The following SLC35F3 variants were observed in gnomAD, a reference collection of about 807,000 sequenced individuals.
SLC35F3 encodes solute carrier family 35 member F3, also known as putative thiamine transporter SLC35F3.
SLC35F3 carries 25 observed loss-of-function variants against 49.9 expected under a neutral mutation model. That is an observed-to-expected ratio of 0.50 (90% CI 0.37 to 0.70). The LOEUF (loss-of-function observed/expected upper bound fraction) is 0.70. Among genes scored for constraint, SLC35F3 ranks in the 30% least tolerant of loss-of-function variants. The pLI is 0.00. For missense variants in SLC35F3, 525 were observed against 639.8 expected (o/e 0.82, Z 1.94); for synonymous variants, 275 against 265.4 (o/e 1.04, Z -0.35).
intron 3 of SLC35F3, among the ~76,000 whole-genome samples, chr1:234,248,149 C>T (rs1232422458): frequency 1.4e-5 from 2 of 139,196 alleles, no homozygotes; most frequent in Non-Finnish European, 3.1e-5. Context: ...GTCCATTGTT[C>T]AGTGGGTTGG....
intron 2 of SLC35F3, among the ~76,000 whole-genome samples, chr1:234,076,951 AAC>A (rs1664800209): frequency 6.6e-6 from 1 of 151,918 alleles, no homozygotes; most frequent in Non-Finnish European, 1.5e-5. Context: ...TGCTAAAAAG[AAC>A]AGTCTGAGAC....
At chr1:234,155,614 A>G (rs1310426733) in intron 2 of SLC35F3, among the ~76,000 whole-genome samples, 4 of 152,000 alleles carry the variant, frequency 2.6e-5, no homozygotes, top group African/African-American at 7.2e-5. Flanking sequence ...TATTGTTAAA[A>G]TAATGTTACT....
chr1:234,176,939 C>A (rs940419858), intron 2 of SLC35F3, among the ~76,000 whole-genome samples: 3 of 152,150 alleles, frequency 2.0e-5, no homozygotes, highest in Non-Finnish European at 2.9e-5. Flanking sequence ...GAGAATTATT[C>A]TTGTGAGGGC....
chr1:234,055,216 T>C (rs1291279910), intron 2 of SLC35F3, among the ~76,000 whole-genome samples: 6 of 152,192 alleles, frequency 3.9e-5, no homozygotes, highest in Non-Finnish European at 8.8e-5. Context: ...TGTTGCCTTT[T>C]GTTCAGCTAT....
At chr1:234,104,905 C>A (rs180818237) in intron 2 of SLC35F3, among the ~76,000 whole-genome samples, 1 of 152,066 alleles carries the variant, frequency 6.6e-6, no homozygotes, top group Non-Finnish European at 1.5e-5. Flanking sequence ...CCGAGGCAGG[C>A]GGATCACGGG....
At chr1:234,254,542 A>ATAAACACACT (rs1308645638) in intron 3 of SLC35F3, among the ~76,000 whole-genome samples, 1 of 152,264 alleles carries the variant, frequency 6.6e-6, no homozygotes, top group Non-Finnish European at 1.5e-5. Flanking sequence ...GAGACAAGAT[A>ATAAACACACT]TAAACACACT....
intron 2 of SLC35F3, among the ~76,000 whole-genome samples, chr1:234,101,841 T>A (rs1360385762): frequency 6.6e-6 from 1 of 152,260 alleles, no homozygotes; most frequent in African/African-American, 2.4e-5. Flanking sequence ...TTCTACGTCC[T>A]TAAGAATCAA....
intron 3 of SLC35F3, among the ~76,000 whole-genome samples, chr1:234,292,689 G>A (rs1406648918): frequency 6.6e-6 from 1 of 152,190 alleles, no homozygotes; most frequent in African/African-American, 2.4e-5. Context: ...AATATGCTCG[G>A]TGAGAAGCTT....
At chr1:234,282,186 G>A (rs1668339237) in intron 3 of SLC35F3, among the ~76,000 whole-genome samples, 1 of 152,238 alleles carries the variant, frequency 6.6e-6, no homozygotes, top group Non-Finnish European at 1.5e-5. Flanking sequence ...AGCTACTGCT[G>A]TGCTCAGTTT....
chr1:234,316,018 G>A (rs1489852533), intron 4 of SLC35F3, among the ~76,000 whole-genome samples: 1 of 152,210 alleles, frequency 6.6e-6, no homozygotes, highest in Non-Finnish European at 1.5e-5. Context: ...GGGGCCTGTG[G>A]CCACGAAGGA....
intron 2 of SLC35F3, among the ~76,000 whole-genome samples, chr1:234,036,553 T>C (rs1664147033): frequency 6.6e-6 from 1 of 152,186 alleles, no homozygotes; most frequent in Non-Finnish European, 1.5e-5. Flanking sequence ...TGTAATTAAT[T>C]TCCTATTTTA....
chr1:234,100,454 G>A (rs1301312474), intron 2 of SLC35F3, among the ~76,000 whole-genome samples: 2 of 152,232 alleles, frequency 1.3e-5, no homozygotes, highest in African/African-American at 4.8e-5. Flanking sequence ...CAGAGAGGTA[G>A]CCAAGAAGCT....
chr1:234,090,443 C>T (rs1665025539), intron 2 of SLC35F3, among the ~76,000 whole-genome samples: 1 of 152,246 alleles, frequency 6.6e-6, no homozygotes, highest in South Asian at 2.1e-4. Flanking sequence ...TTTTTATTCA[C>T]AAGGCTGCAG....
At chr1:234,208,312 T>C (rs949045153) in intron 2 of SLC35F3, among the ~76,000 whole-genome samples, 1 of 152,200 alleles carries the variant, frequency 6.6e-6, no homozygotes, top group African/African-American at 2.4e-5. Flanking sequence ...TGCATGGGAA[T>C]GAATAGACCA....
intron 2 of SLC35F3, among the ~76,000 whole-genome samples, chr1:233,917,030 C>G (rs1214549177): frequency 6.6e-6 from 1 of 152,172 alleles, no homozygotes; most frequent in Non-Finnish European, 1.5e-5. Context: ...AATGTATTAG[C>G]TCCTCAGGGA....
At position 234,040,324 on chromosome 1, in the gene SLC35F3, G is replaced by C. The variant is rs75694196; in HGVS notation, c.283+134566G>C. ...GGGTCTTTATAGGCACAGAATGGGG[G>C]AGCAGGATGGGCAACATTTGATTTG... On this transcript the variant is annotated intron_variant, in intron 2 of 7. Transcript: ENST00000366618. Among the ~76,000 whole-genome samples, 912 of 152,280 alleles carry C rather than the reference G, an allele frequency of 6.0e-3. 8 individuals are homozygous for C. The highest frequency in any genetic ancestry group is 0.021 in the African/African-American group (864 of 41,554).
chr1:234,282,329 G>A (rs1194361694), intron 3 of SLC35F3, among the ~76,000 whole-genome samples: 1 of 152,126 alleles, frequency 6.6e-6, no homozygotes, highest in African/African-American at 2.4e-5. Context: ...GAGCCTCTAG[G>A]CCCCTCCTAT....
intron 2 of SLC35F3, among the ~76,000 whole-genome samples, chr1:234,184,514 G>A (rs1020677102): frequency 6.6e-6 from 1 of 152,154 alleles, no homozygotes. Context: ...GAGGCTATGA[G>A]ACCTGACATT....
At chr1:234,157,295 T>C (rs1666169344) in intron 2 of SLC35F3, among the ~76,000 whole-genome samples, 1 of 152,238 alleles carries the variant, frequency 6.6e-6, no homozygotes, top group South Asian at 2.1e-4. Flanking sequence ...TATATTCTCA[T>C]CTCCTGCAGT....
Sources: gnomAD v4.1 joint callset for allele counts (sites outside exome capture counted in the v4.1 genomes callset) on GRCh38, gnomAD v4.1.1 for gene constraint, MANE v1.5 for transcripts, NCBI Gene and HGNC (gene_info 2026-07-23, HGNC 2026-07-21) for gene names.